The following RORA variants were observed in gnomAD, a reference collection of about 807,000 sequenced individuals.
RORA encodes RAR related orphan receptor A, also known as nuclear receptor ROR-alpha.
In RORA, 7 loss-of-function variants were observed where a neutral mutation model predicts 69.5. The ratio of observed to expected loss-of-function variants is 0.10; its 90% CI spans 0.06 to 0.19. RORA has a LOEUF of 0.19. Among genes scored for constraint, RORA ranks in the 10% least tolerant of loss-of-function variants. The pLI is 1.00. For missense variants in RORA, 457 were observed against 663.0 expected (o/e 0.69, Z 3.41); for synonymous variants, 261 against 240.8 (o/e 1.08, Z -0.78).
At chr15:61,011,121 C>G (rs966564727) in intron 1 of RORA, among the ~76,000 whole-genome samples, 1 of 152,158 alleles carries the variant, frequency 6.6e-6, no homozygotes, top group African/African-American at 2.4e-5. Context: ...CCAAATCCAG[C>G]TTTCCTCCCA....
chr15:60,703,480 C>T (rs138599418), intron 1 of RORA, among the ~76,000 whole-genome samples: 29 of 152,262 alleles, frequency 1.9e-4, no homozygotes, highest in African/African-American at 6.7e-4. Context: ...GAGGGGCACA[C>T]GTGTTCATCC....
chr15:60,819,751 AC>A (rs2072864145), intron 1 of RORA, among the ~76,000 whole-genome samples: 2 of 36,626 alleles, frequency 5.5e-5, no homozygotes, highest in Non-Finnish European at 1.9e-4. Flanking sequence ...ACCCAGACAC[AC>A]ACACACACAC....
At chr15:60,609,862 A>C (rs2140578541) in intron 2 of RORA, among the ~76,000 whole-genome samples, 1 of 152,294 alleles carries the variant, frequency 6.6e-6, no homozygotes, top group East Asian at 1.9e-4. Context: ...TCGAATGAAT[A>C]GATAACACCA....
intron 1 of RORA, among the ~76,000 whole-genome samples, chr15:60,841,865 T>C (rs2073202883): frequency 6.6e-6 from 1 of 152,198 alleles, no homozygotes. Context: ...TCAAACCTTT[T>C]TGAGAAAAGC....
At chr15:60,562,504 C>T (rs1004721302) in intron 2 of RORA, among the ~76,000 whole-genome samples, 1 of 151,644 alleles carries the variant, frequency 6.6e-6, no homozygotes, top group South Asian at 2.1e-4. Context: ...GGCTCTATCT[C>T]GGCCCACTGC....
intron 1 of RORA, among the ~76,000 whole-genome samples, chr15:60,697,749 T>A (rs2070925918): frequency 1.3e-5 from 2 of 152,208 alleles, no homozygotes; most frequent in Non-Finnish European, 1.5e-5. Flanking sequence ...TATACTTTCC[T>A]CAAATTTCAT....
rs1166326374 is a variant in RORA, at chr15:60,608,140, T to C, written c.196+70517A>G. Among the ~76,000 whole-genome samples the C allele has an allele frequency of 3.3e-5, 5 of 152,330 alleles. No individual in the cohort carries two copies. The East Asian group carries it at 9.6e-4, about 29-fold the overall frequency. ...ATGGCAGGAGCTGAGGGTCCTGAGA[T>C]AAATTTTCTCGGCTCCTGCATAGAC... is the stretch of plus-strand genomic sequence containing the variant. On this transcript the variant is annotated intron_variant, in intron 2 of 10. Transcript: ENST00000335670.
At chr15:60,518,083 C>T (rs1368029300) in intron 3 of RORA, among the ~76,000 whole-genome samples, 7 of 152,110 alleles carry the variant, frequency 4.6e-5, no homozygotes, top group Non-Finnish European at 7.4e-5. Context: ...AGGCTGGTCT[C>T]GAACTCCTGG....
intron 2 of RORA, among the ~76,000 whole-genome samples, chr15:60,647,257 T>C (rs1192967538): frequency 6.6e-6 from 1 of 152,232 alleles, no homozygotes; most frequent in East Asian, 1.9e-4. Context: ...TTAGTGCTTA[T>C]ACCCTTAAGC....
chr15:60,634,486 C>T (rs1052167064), intron 2 of RORA, among the ~76,000 whole-genome samples: 1 of 151,726 alleles, frequency 6.6e-6, no homozygotes, highest in African/African-American at 2.4e-5. Context: ...CTCACTGCAA[C>T]CTCCCCCTCC....
At chr15:61,138,887 T>A (rs1161548934) in intron 1 of RORA, among the ~76,000 whole-genome samples, 4 of 152,178 alleles carry the variant, frequency 2.6e-5, no homozygotes, top group African/African-American at 9.7e-5. Context: ...GGCTCAAGCC[T>A]GTAATCCCAG....
intron 1 of RORA, among the ~76,000 whole-genome samples, chr15:60,793,187 T>G (rs959530735): frequency 7.9e-5 from 12 of 152,216 alleles, no homozygotes; most frequent in Non-Finnish European, 1.2e-4. Flanking sequence ...GGCCTGAACA[T>G]ACTGTGATTC....
chr15:60,666,067 T>TAC (rs1567147352), intron 2 of RORA, among the ~76,000 whole-genome samples: 1 of 152,088 alleles, frequency 6.6e-6, no homozygotes, highest in Non-Finnish European at 1.5e-5. Context: ...TGTGTATGTA[T>TAC]ACACACACAT....
At chr15:60,632,700 C>T (rs1209080144) in intron 2 of RORA, among the ~76,000 whole-genome samples, 1 of 152,098 alleles carries the variant, frequency 6.6e-6, no homozygotes, top group East Asian at 1.9e-4. Flanking sequence ...AACTCACACG[C>T]ATCGGGTGTC....
chr15:60,923,107 A>G (rs959029363), intron 1 of RORA, among the ~76,000 whole-genome samples: 4 of 152,198 alleles, frequency 2.6e-5, no homozygotes, highest in Non-Finnish European at 4.4e-5. Flanking sequence ...CTCTTTCAGC[A>G]CTGCCCAAAG....
chr15:60,609,853 C>T (rs573525674), intron 2 of RORA, among the ~76,000 whole-genome samples: 39 of 152,036 alleles, frequency 2.6e-4, no homozygotes, highest in Non-Finnish European at 3.1e-4. Flanking sequence ...TGGACTCTGT[C>T]GAATGAATAG....
intron 1 of RORA, among the ~76,000 whole-genome samples, chr15:61,119,929 T>C (rs1724993075): frequency 6.6e-6 from 1 of 152,096 alleles, no homozygotes; most frequent in African/African-American, 2.4e-5. Flanking sequence ...AAAAGAGAAG[T>C]GTGCAAATGC....
intron 1 of RORA, among the ~76,000 whole-genome samples, chr15:61,151,930 G>C (rs1024697960): frequency 6.6e-6 from 1 of 152,132 alleles, no homozygotes; most frequent in Non-Finnish European, 1.5e-5. Context: ...CCACTCGCCA[G>C]GCCCATATCA....
intron 1 of RORA, among the ~76,000 whole-genome samples, chr15:61,225,109 A>G (rs550639386): frequency 3.3e-5 from 5 of 152,228 alleles, no homozygotes; most frequent in Non-Finnish European, 7.3e-5. Flanking sequence ...AAAGGTTATC[A>G]TAACTATCAT....
Sources: allele counts gnomAD v4.1 joint callset (sites outside exome capture counted in the v4.1 genomes callset), GRCh38; gene constraint gnomAD v4.1.1; transcripts MANE v1.5; gene names NCBI Gene and HGNC (gene_info 2026-07-23, HGNC 2026-07-21).